Variants in CAPRIN1 observed in about 807,000 individuals in gnomAD.
CAPRIN1 encodes the protein cell cycle associated protein 1.
CAPRIN1 carries 29 observed loss-of-function variants against 100.9 expected under a neutral mutation model. The observed-to-expected ratio is 0.29, with a 90% CI of 0.21 to 0.39. The LOEUF (loss-of-function observed/expected upper bound fraction) is 0.39, where lower values mean the gene tolerates loss of function less well. CAPRIN1 is among the 10% of genes least tolerant of loss of function. The pLI, the probability that CAPRIN1 is intolerant of heterozygous loss-of-function variation, is 1.00. For missense variants in CAPRIN1, 795 were observed against 876.7 expected (o/e 0.91, Z 1.18); for synonymous variants, 338 against 307.5 (o/e 1.10, Z -1.04).
intron 9 of CAPRIN1, among the ~76,000 whole-genome samples, chr11:34,084,503 T>C (rs542554951): frequency 4.6e-5 from 7 of 152,236 alleles, no homozygotes; most frequent in Admixed American, 6.5e-5. Context: ...TTCCTTGTTA[T>C]ACCAGGGGCA....
chr11:34,058,433 G>A (rs114167182), intron 2 of CAPRIN1, among the ~76,000 whole-genome samples: 2,596 of 152,244 alleles, frequency 0.017, 52 homozygotes, highest in African/African-American at 0.059. Context: ...CACCACACCC[G>A]GCCTCTTAAA....
At chr11:34,089,565 A>AAC in intron 12 of CAPRIN1, 109 bp downstream of exon 12, 1 of 620,672 alleles carries the variant, frequency 1.6e-6, no homozygotes, top group Admixed American at 2.7e-5. Flanking sequence ...TCAGGAGTTC[A>AAC]AGACCAGTCT....
At chr11:34,079,563 G>C (rs1315788176) in intron 6 of CAPRIN1, 65 bp from the exon 7 acceptor site, 1 of 1,319,292 alleles carries the variant, frequency 7.6e-7, no homozygotes, top group African/African-American at 1.5e-5. Context: ...ATAGAATGTT[G>C]GATCTTCTTC....
intron 12 of CAPRIN1, chr11:34,089,925 A>G (rs2134130033): frequency 4.0e-6 from 1 of 249,700 alleles, no homozygotes; most frequent in East Asian, 8.4e-5. Context: ...AGATTTCTCC[A>G]TCTTAGAAGT....
chr11:34,098,947 A>G, intron 18 of CAPRIN1: 12 of 1,100,502 alleles, frequency 1.1e-5, no homozygotes, highest in Non-Finnish European at 1.3e-5. Flanking sequence ...CTAGAATGTA[A>G]GCTCCATGAG....
chr11:34,081,294 G>C (rs1039255093), intron 7 of CAPRIN1, among the ~76,000 whole-genome samples: 27 of 151,328 alleles, frequency 1.8e-4, no homozygotes, highest in Admixed American at 1.3e-3. Flanking sequence ...TCTGCCTCCC[G>C]GGTTCAAGCG....
chr11:34,071,847 T>G (rs1850809712), intron 3 of CAPRIN1, 54 bp from the exon 4 acceptor site: 5 of 1,584,022 alleles, frequency 3.2e-6, no homozygotes, highest in Non-Finnish European at 4.3e-6. Flanking sequence ...AGACAAAAAT[T>G]AATTCTGTGG....
At position 34,052,901 on chromosome 11, in the gene CAPRIN1, G is replaced by T. The variant is rs189347445; in HGVS notation, c.216+265G>T. ...TTTATTACTCTTCCGCTGTGGGTCC[G>T]GCTTTTTGGCCTTTAGGAGTGGGAC... On this transcript the variant is annotated intron_variant, in intron 2 of 18. Transcript: ENST00000341394. 4.8e-5 allele frequency: 64 copies of T among 1,331,500 alleles called. No individual in the cohort carries two copies. In the East Asian group the frequency reaches 9.8e-4, roughly 20 times the overall value. The allele number at this position is 1,331,500 out of a possible 1,614,324, so 82.5% of individuals were successfully genotyped here.
Position 34,090,614 on chromosome 11 carries a change from C to T in CAPRIN1, c.1490C>T (p.Thr497Ile), listed in dbSNP as rs375323649. Residue 497 changes from threonine to isoleucine, a missense_variant, in exon 14 of 19, where the codon ACA becomes ATA. Physicochemically the swap from Thr to Ile is moderately conservative, Grantham distance 89. This residue lies in a region of CAPRIN1 where 648 missense variants were observed against 697.9 expected (regional missense o/e 0.93). Transcript: ENST00000341394. Reference sequence around the variant, plus strand: ...CAGCCTCAAGTATTTCAGGCTGGGACAAGCAAACCTTTACATAGCAGTGGA... The same window carrying T: ...CAGCCTCAAGTATTTCAGGCTGGGATAAGCAAACCTTTACATAGCAGTGGA... ...ASQPQVFQAG[T>I]SKPLHSSGIN... The T allele has an allele frequency of 6.2e-7, 1 of 1,614,138 alleles. No homozygotes were observed. The highest frequency in any genetic ancestry group is 8.5e-7 in the Non-Finnish European group (1 of 1,180,004).
At position 34,052,487 on chromosome 11, in the gene CAPRIN1, T is replaced by G. The variant is rs2134074541; in HGVS notation, c.67T>G (p.Ser23Ala). Residue 23 changes from serine (S) to alanine (A), a missense_variant, in exon 2 of 19, where the codon TCC (serine) becomes GCC (alanine). Transcript: ENST00000341394. ...KSSGPPPPSG[S>A]SGSEAAAGAG... ...GTCCGGACCGCCACCGCCGTCGGGT[T>G]CCTCCGGGAGTGAGGCGGCCGCGGG... 6.2e-7 allele frequency: 1 copy of G among 1,607,474 alleles called. No individual in the cohort carries two copies. The highest frequency in any genetic ancestry group is 2.2e-5 in the East Asian group (1 of 44,634).
chr11:34,052,985 C>CT, intron 2 of CAPRIN1: 1 of 1,065,298 alleles, frequency 9.4e-7, no homozygotes, highest in Non-Finnish European at 1.1e-6. Context: ...CTTTCCGTCT[C>CT]TGAGGCCCGA....
rs1322289677 is a variant in CAPRIN1, at chr11:34,086,169, C to T, written c.1072C>T (p.Arg358Ter). Residue 358 changes from arginine to a stop codon, truncating the protein, a stop_gained, in exon 10 of 19, where the codon CGA (arginine) becomes TGA (stop). Coordinates refer to ENST00000341394, the MANE Select transcript of CAPRIN1 (RefSeq NM_005898.5). LOFTEE classifies it high-confidence loss of function. ...AQADPLVRRQ[R>*]VQDLMAQMQG... is the part of the protein sequence containing the mutation. Reference sequence around the variant, plus strand: ...GGCAGATCCCCTTGTGAGAAGACAGCGAGTACAAGACCTTATGGCACAAAT... The same window carrying T: ...GGCAGATCCCCTTGTGAGAAGACAGTGAGTACAAGACCTTATGGCACAAAT... The T allele has an allele frequency of 6.2e-7, 1 of 1,613,984 alleles. No homozygotes were observed. The highest frequency in any genetic ancestry group is 8.5e-7 in the Non-Finnish European group (1 of 1,179,920).
intron 2 of CAPRIN1, among the ~76,000 whole-genome samples, chr11:34,066,327 A>T (rs1003542082): frequency 6.6e-6 from 1 of 150,700 alleles, no homozygotes; most frequent in East Asian, 2.0e-4. Flanking sequence ...ATTTATTTTT[A>T]TTTATTTATT....
At position 34,090,575 on chromosome 11, in the gene CAPRIN1, T is replaced by G. The variant is rs1851243274; in HGVS notation, c.1451T>G (p.Leu484Arg). 1 of 1,614,038 alleles carries G rather than the reference T, an allele frequency of 6.2e-7. No homozygotes were observed. Among genetic ancestry groups the G allele is most frequent in the African/African-American group, 1.3e-5 (1 of 74,944 alleles). The stretch of plus-strand genomic sequence containing the variant: ...GACCAGACTACAGCATCATCATCCC[T>G]TCCTGCTGCGTCTCAGCCTCAAGTA... ...NTDQTTASSS[L>R]PAASQPQVFQ... Residue 484 changes from leucine (L) to arginine (R), a missense_variant, in exon 14 of 19, where the codon CTT (leucine) becomes CGT (arginine). By Grantham distance (102) the Leu-to-Arg change is moderately radical. Around this residue, in one of 3 missense-constraint regions of CAPRIN1, gnomAD observed 648 missense variants for 697.9 expected, o/e 0.93. Transcript: ENST00000341394.
At position 34,097,312 on chromosome 11, in the gene CAPRIN1, C is replaced by G; in HGVS notation, c.2001+16C>G. ...CTATCAACGGGTAGGTAAAGTAGTTCTAAAGTGTAAACCTGAACTAAATAT... is the reference window on the plus strand; with the variant it reads ...CTATCAACGGGTAGGTAAAGTAGTTGTAAAGTGTAAACCTGAACTAAATAT... On this transcript the variant is annotated intron_variant, in intron 17 of 18. Coordinates refer to ENST00000341394, the MANE Select transcript of CAPRIN1 (RefSeq NM_005898.5). The G allele has an allele frequency of 1.3e-6, 2 of 1,553,860 alleles. No homozygotes were observed. The highest frequency in any genetic ancestry group is 1.7e-4 in the Middle Eastern group (1 of 5,958).
intron 4 of CAPRIN1, among the ~76,000 whole-genome samples, 171 bp from the exon 5 acceptor site, chr11:34,076,065 T>C (rs1183549286): frequency 6.6e-6 from 1 of 152,154 alleles, no homozygotes; most frequent in Non-Finnish European, 1.5e-5. Context: ...AACAATTGCT[T>C]AAAATAGATT....
intron 2 of CAPRIN1, among the ~76,000 whole-genome samples, chr11:34,066,342 TA>T (rs1268216835): frequency 4.6e-5 from 7 of 151,622 alleles, no homozygotes; most frequent in Non-Finnish European, 1.0e-4. Flanking sequence ...TTTATTTATT[TA>T]TTTTTTTTGA....
chr11:34,090,256 A>G lies in CAPRIN1; in HGVS notation c.1371A>G (p.Gln457=). The change falls in exon 13 of 19, where the codon CAA becomes CAG. Residue 457 remains glutamine, a synonymous_variant. Coordinates refer to ENST00000341394, the MANE Select transcript of CAPRIN1 (RefSeq NM_005898.5). ...ACCAGCCTTCTCATGCTACAGAGCA[A>G]CGACCACAGAAGGAACCAATTGATC... ...PLYQPSHATE[Q]RPQKEPIDQI... 1.2e-6 allele frequency: 2 copies of G among 1,613,884 alleles called. No homozygotes were observed. The highest frequency in any genetic ancestry group is 1.3e-5 in the African/African-American group (1 of 75,026).
chr11:34,069,505 A>G (rs970165436), intron 2 of CAPRIN1, among the ~76,000 whole-genome samples: 1 of 152,138 alleles, frequency 6.6e-6, no homozygotes, highest in Non-Finnish European at 1.5e-5. Flanking sequence ...TTTTTATTTT[A>G]AAAATTTTTA....
Sources: gnomAD v4.1 joint callset for allele counts (sites outside exome capture counted in the v4.1 genomes callset) on GRCh38, gnomAD v4.1.1 for gene constraint, gnomAD v4.1.1 regional missense constraint, MANE v1.5 for transcripts, NCBI Gene and HGNC (gene_info 2026-07-23, HGNC 2026-07-21) for gene names.